Variants in ARHGAP35 observed in about 807,000 individuals in gnomAD.
The protein encoded by ARHGAP35 is rho GTPase-activating protein 35.
A neutral mutation model predicts 111.1 loss-of-function variants in ARHGAP35; 15 were observed. That is an observed-to-expected ratio of 0.13 (90% CI 0.09 to 0.21). ARHGAP35 has a LOEUF of 0.21. Ranked by LOEUF, ARHGAP35 falls within the 10% of genes least tolerant of loss-of-function variation. ARHGAP35 has a pLI of 1.00. For synonymous variants in ARHGAP35, 643 were observed against 710.3 expected, an observed-to-expected ratio of 0.91 and a Z score of 1.51; for missense variants, 1,262 against 1,873.0, an observed-to-expected ratio of 0.67 and a Z score of 6.02.
intron 1 of ARHGAP35, among the ~76,000 whole-genome samples, chr19:46,905,703 C>A (rs2056104155): frequency 6.6e-6 from 1 of 152,168 alleles, no homozygotes; most frequent in East Asian, 1.9e-4. Flanking sequence ...GCACATGCCA[C>A]CATGCCTGGC....
chr19:46,984,789 G>T (rs928215716), intron 3 of ARHGAP35, among the ~76,000 whole-genome samples: 3 of 152,180 alleles, frequency 2.0e-5, no homozygotes, highest in Non-Finnish European at 1.5e-5. Context: ...GTTTCAGCAG[G>T]TCCACACCAC....
Position 46,993,430 on chromosome 19 carries a change from C to T in ARHGAP35, c.4036+3755C>T, listed in dbSNP as rs1397102606. ...TGGCTGCCAGTGATGGCAAGTGGCG[C>T]AGCACAGCCAGGGCAGGAGTGTTCT... On this transcript the variant is annotated intron_variant, in intron 5 of 6. Coordinates refer to ENST00000672722, the MANE Select transcript of ARHGAP35 (RefSeq NM_004491.5). The surrounding 1 kb of genome is among the most constrained non-coding windows in gnomAD (Gnocchi z 4.6). Among the ~76,000 whole-genome samples, 1 of 152,228 alleles carries T rather than the reference C, an allele frequency of 6.6e-6. No homozygotes were observed. Among genetic ancestry groups the T allele is most frequent in the African/African-American group, 2.4e-5 (1 of 41,468 alleles).
chr19:46,946,729 T>G (rs2036395643), intron 3 of ARHGAP35: 1 of 152,028 alleles, frequency 6.6e-6, no homozygotes, highest in Non-Finnish European at 1.5e-5. Context: ...TTGTTTTGTT[T>G]TTGTTTTTGT....
At chr19:46,979,404 C>G (rs2056608205) in intron 3 of ARHGAP35, among the ~76,000 whole-genome samples, 1 of 152,198 alleles carries the variant, frequency 6.6e-6, no homozygotes, top group African/African-American at 2.4e-5. Context: ...CACACTCTTC[C>G]TCCAGAATGG....
In ARHGAP35 at chr19:46,907,478, T is replaced by TTTG. The variant is rs1568464562; in HGVS notation, c.-188-11008_-188-11007insGTT. The stretch of plus-strand genomic sequence containing the variant: ...ATTCATTCTGTTTCTTAGCTTCTTT[T>TTTG]TTTGTTTGTTTGTTTGTTTGTTTGT... On this transcript the variant is annotated intron_variant, in intron 1 of 6. Transcript: ENST00000672722. 9.0e-3 allele frequency among the ~76,000 whole-genome samples: 1,334 copies of TTTG among 147,590 alleles called. 16 individuals are homozygous for TTTG. The highest frequency in any genetic ancestry group is 0.031 in the African/African-American group (1,250 of 39,932).
Position 47,001,174 on chromosome 19 carries a change from C to G in ARHGAP35, c.*486C>G, listed in dbSNP as rs990598720. The G allele has an allele frequency of 2.7e-5, 34 of 1,239,628 alleles. No homozygotes were observed. The East Asian group carries it at 1.5e-3, about 53-fold the overall frequency. The allele number at this position is 1,239,628 out of a possible 1,614,324, so 76.8% of individuals were successfully genotyped here. On this transcript the variant is annotated 3_prime_UTR_variant, in exon 7 of 7. Transcript: ENST00000672722. The surrounding 1 kb of genome is among the most constrained non-coding windows in gnomAD (Gnocchi z 5.4). Reference sequence around the variant, plus strand: ...CACACCCCCAAGGTAAGGGTACAGCCCGGCTGGCGGCCTCCTTGGGAACGT... The same window carrying G: ...CACACCCCCAAGGTAAGGGTACAGCGCGGCTGGCGGCCTCCTTGGGAACGT...
chr19:46,897,257 A>G (rs988731963), intron 1 of ARHGAP35, among the ~76,000 whole-genome samples: 3 of 152,046 alleles, frequency 2.0e-5, no homozygotes, highest in African/African-American at 7.2e-5. Flanking sequence ...CATTTTCATC[A>G]GTCATCCTGG....
intron 1 of ARHGAP35, among the ~76,000 whole-genome samples, chr19:46,895,888 A>G (rs776791527): frequency 3.7e-4 from 57 of 152,104 alleles, no homozygotes; most frequent in Non-Finnish European, 4.6e-4. Context: ...GGATCTCCTG[A>G]GGTCAAGAGT....
In ARHGAP35 at chr19:46,989,283, A is replaced by C; in HGVS notation, c.3905-261A>C. The C allele has an allele frequency of 2.8e-6, 1 of 356,324 alleles. No homozygotes were observed. Among genetic ancestry groups the C allele is most frequent in the South Asian group, 3.9e-5 (1 of 25,904 alleles). 22.1% of individuals were successfully genotyped at this position (356,324 alleles called of 1,614,324 possible). ...AGGCAAGCTCCTGGCACCAAAAACC[A>C]GCATGTGGGGGTAGCACCCCTGCCC... On this transcript the variant is annotated intron_variant, in intron 4 of 6. Coordinates refer to ENST00000672722, the MANE Select transcript of ARHGAP35 (RefSeq NM_004491.5). The surrounding 1 kb of genome is among the most constrained non-coding windows in gnomAD (Gnocchi z 5.3).
rs2056682960 is a variant in ARHGAP35, at chr19:46,992,189, G to A, written c.4036+2514G>A. Among the ~76,000 whole-genome samples, 1 of 152,120 alleles carries A rather than the reference G, an allele frequency of 6.6e-6. No individual in the cohort carries two copies. Among genetic ancestry groups the A allele is most frequent in the Non-Finnish European group, 1.5e-5 (1 of 68,028 alleles). On this transcript the variant is annotated intron_variant, in intron 5 of 6. Transcript: ENST00000672722. This position sits in a 1 kb window ranked among gnomAD's most constrained non-coding sequence, Gnocchi z 4.4. ...CACGAGGCACTTGATTCCCACCACTGATCTTCCTTTGAGGAAGATGGTATT... is the reference window on the plus strand; with the variant it reads ...CACGAGGCACTTGATTCCCACCACTAATCTTCCTTTGAGGAAGATGGTATT...
intron 1 of ARHGAP35, among the ~76,000 whole-genome samples, chr19:46,873,326 T>A (rs924392094): frequency 2.0e-5 from 3 of 151,970 alleles, no homozygotes; most frequent in African/African-American, 7.2e-5. Context: ...CCCTAAAGTG[T>A]GCTTGTTTTA....
At chr19:46,892,299 T>C (rs2056028847) in intron 1 of ARHGAP35, among the ~76,000 whole-genome samples, 1 of 138,998 alleles carries the variant, frequency 7.2e-6, no homozygotes, top group Non-Finnish European at 1.5e-5. Flanking sequence ...CGAGACTTTG[T>C]CTCAAAAAAA....
At chr19:46,996,965 C>T (rs2056713121) in intron 5 of ARHGAP35, among the ~76,000 whole-genome samples, 1 of 152,142 alleles carries the variant, frequency 6.6e-6, no homozygotes, top group Non-Finnish European at 1.5e-5. Context: ...CCAGACCAGC[C>T]TGGACAACGT....
intron 3 of ARHGAP35, among the ~76,000 whole-genome samples, chr19:46,961,837 G>A (rs769826970): frequency 2.0e-5 from 3 of 152,180 alleles, no homozygotes; most frequent in Non-Finnish European, 2.9e-5. Context: ...GGCTGAGGCA[G>A]GAGAATTGCT....
intron 1 of ARHGAP35, among the ~76,000 whole-genome samples, chr19:46,887,062 G>A (rs2055996383): frequency 6.6e-6 from 1 of 152,146 alleles, no homozygotes; most frequent in Non-Finnish European, 1.5e-5. Context: ...GTGGGTGTAT[G>A]TATGCATGTG....
chr19:46,987,877 G>A (rs2056659479), intron 3 of ARHGAP35, 112 bp from the exon 4 acceptor site: 6 of 955,474 alleles, frequency 6.3e-6, no homozygotes, highest in Admixed American at 2.1e-5. Context: ...CTCCTCTCTT[G>A]TGGTGGGCAC....
intron 2 of ARHGAP35, among the ~76,000 whole-genome samples, chr19:46,925,188 G>C (rs1486811599): frequency 6.6e-6 from 1 of 152,232 alleles, no homozygotes; most frequent in African/African-American, 2.4e-5. Flanking sequence ...TCTGGAAAGA[G>C]TGACTAGAAG....
At position 46,922,848 on chromosome 19, in the gene ARHGAP35, G is replaced by A. The variant is rs899645667; in HGVS notation, c.3681+492G>A. 2.6e-5 allele frequency among the ~76,000 whole-genome samples: 4 copies of A among 152,160 alleles called. No homozygotes were observed. The highest frequency in any genetic ancestry group is 7.2e-5 in the African/African-American group (3 of 41,430). On this transcript the variant is annotated intron_variant, in intron 2 of 6. Transcript: ENST00000672722. This position sits in a 1 kb window ranked among gnomAD's most constrained non-coding sequence, Gnocchi z 4.0. The stretch of plus-strand genomic sequence containing the variant: ...TGATTTGCACACACAAATCAGTGAC[G>A]AGTCTTTGAGTACATAAATGAAAAA...
chr19:47,004,860 A>G lies in ARHGAP35; in HGVS notation c.*4172A>G, dbSNP rs1392487043. 1 of 152,164 alleles carries G rather than the reference A, an allele frequency of 6.6e-6. No homozygotes were observed. The highest frequency in any genetic ancestry group is 1.5e-5 in the Non-Finnish European group (1 of 68,026). 9.4% of individuals were successfully genotyped at this position (152,164 alleles called of 1,614,324 possible). ...TTTCCAGACTTTTTTTTAAAAACAC[A>G]TCGTGGGTTTTTTGAGGCTCCAACC... On this transcript the variant is annotated 3_prime_UTR_variant, in exon 7 of 7. Coordinates refer to ENST00000672722, the MANE Select transcript of ARHGAP35 (RefSeq NM_004491.5).
Sources: allele counts gnomAD v4.1 joint callset (sites outside exome capture counted in the v4.1 genomes callset), GRCh38; gene constraint gnomAD v4.1.1; non-coding constraint Gnocchi (gnomAD v3.1); transcripts MANE v1.5; gene names NCBI Gene and HGNC (gene_info 2026-07-23, HGNC 2026-07-21).